The following LDB2 variants were observed in gnomAD, a reference collection of about 807,000 sequenced individuals.
The protein encoded by LDB2 is LIM domain binding 2.
A neutral mutation model predicts 44.3 loss-of-function variants in LDB2; 12 were observed. The observed-to-expected ratio is 0.27, with a 90% CI of 0.17 to 0.44. The LOEUF (loss-of-function observed/expected upper bound fraction) is 0.44. Ranked by LOEUF, LDB2 falls within the 20% of genes least tolerant of loss-of-function variation. The pLI, the probability that LDB2 is intolerant of heterozygous loss-of-function variation, is 1.00. For synonymous variants in LDB2, 164 were observed against 174.8 expected, an observed-to-expected ratio of 0.94 and a Z score of 0.49; for missense variants, 344 against 473.5, an observed-to-expected ratio of 0.73 and a Z score of 2.54.
chr4:16,870,625 C>CTATT (rs1316648949), intron 1 of LDB2, among the ~76,000 whole-genome samples: 2 of 133,618 alleles, frequency 1.5e-5, no homozygotes, highest in Non-Finnish European at 3.2e-5. Flanking sequence ...TCCTTGCATT[C>CTATT]TCTTTATTTA....
intron 2 of LDB2, among the ~76,000 whole-genome samples, chr4:16,637,277 A>G (rs565359790): frequency 3.3e-5 from 4 of 123,004 alleles, no homozygotes; most frequent in African/African-American, 9.2e-5. Context: ...TGAATGCTCT[A>G]TGGAAGTTCT....
intron 1 of LDB2, among the ~76,000 whole-genome samples, chr4:16,768,259 A>G (rs1430954347): frequency 6.6e-6 from 1 of 152,114 alleles, no homozygotes; most frequent in Non-Finnish European, 1.5e-5. Flanking sequence ...GGTCTGAAAG[A>G]TGGGAGATGG....
At chr4:16,788,162 A>AGCTT (rs1774893551) in intron 1 of LDB2, among the ~76,000 whole-genome samples, 1 of 152,206 alleles carries the variant, frequency 6.6e-6, no homozygotes, top group South Asian at 2.1e-4. Flanking sequence ...CTTTAAGAAA[A>AGCTT]TCCCAAGAGC....
intron 2 of LDB2, among the ~76,000 whole-genome samples, chr4:16,608,206 CAAAAAAAA>C (rs71649969): frequency 2.9e-5 from 2 of 68,484 alleles, no homozygotes; most frequent in African/African-American, 1.0e-4. Flanking sequence ...CACACTTCTT[CAAAAAAAA>C]AAAAAAAAAA....
intron 1 of LDB2, among the ~76,000 whole-genome samples, chr4:16,852,867 T>C (rs1472534339): frequency 9.9e-5 from 15 of 152,194 alleles, no homozygotes; most frequent in Admixed American, 9.2e-4. Flanking sequence ...GGATCTCATA[T>C]AAATATTGAA....
intron 6 of LDB2, among the ~76,000 whole-genome samples, chr4:16,508,942 T>G (rs563551460): frequency 6.6e-5 from 10 of 152,352 alleles, no homozygotes; most frequent in Admixed American, 6.5e-4. Context: ...TGGTATGTAT[T>G]TAATTTTGTA....
chr4:16,511,370 C>A (rs1721674310), intron 6 of LDB2, among the ~76,000 whole-genome samples: 1 of 152,112 alleles, frequency 6.6e-6, no homozygotes, highest in South Asian at 2.1e-4. Flanking sequence ...AGTATCTAAA[C>A]TGCATTCTAG....
intron 2 of LDB2, among the ~76,000 whole-genome samples, chr4:16,656,740 A>G (rs1739969284): frequency 6.6e-6 from 1 of 152,218 alleles, no homozygotes; most frequent in Non-Finnish European, 1.5e-5. Flanking sequence ...CCCCGTAAAC[A>G]GATTGATTCA....
At chr4:16,842,907 T>C (rs1030852201) in intron 1 of LDB2, among the ~76,000 whole-genome samples, 7 of 152,190 alleles carry the variant, frequency 4.6e-5, no homozygotes, top group African/African-American at 1.7e-4. Flanking sequence ...AGTAAATGTA[T>C]ATTAAGCTCA....
intron 2 of LDB2, among the ~76,000 whole-genome samples, chr4:16,602,470 T>C (rs924156): frequency 0.04 from 6,084 of 152,162 alleles, 372 homozygotes; most frequent in African/African-American, 0.14. Flanking sequence ...GAGAACAAGA[T>C]GATAGAGATG....
At chr4:16,746,611 AC>A (rs943946414) in intron 2 of LDB2, among the ~76,000 whole-genome samples, 14 of 152,108 alleles carry the variant, frequency 9.2e-5, no homozygotes, top group African/African-American at 3.4e-4. Context: ...ACATGGTGAA[AC>A]CCCGTCTCTA....
chr4:16,560,568 A>G (rs772836603), intron 5 of LDB2, among the ~76,000 whole-genome samples: 154 of 152,320 alleles, frequency 1.0e-3, no homozygotes, highest in Non-Finnish European at 1.5e-3. Context: ...AATTGTGGCA[A>G]TAATCAATAG....
At chr4:16,543,827 A>G (rs1280445140) in intron 5 of LDB2, among the ~76,000 whole-genome samples, 1 of 152,166 alleles carries the variant, frequency 6.6e-6, no homozygotes, top group Non-Finnish European at 1.5e-5. Context: ...TGAACAGGCA[A>G]CCTACAGAAT....
intron 5 of LDB2, among the ~76,000 whole-genome samples, chr4:16,522,276 T>TTGTGTGTGCGTGCGTG (rs61400788): frequency 6.7e-6 from 1 of 150,234 alleles, no homozygotes; most frequent in East Asian, 1.9e-4. Flanking sequence ...GTGTGTGTGT[T>TTGTGTGTGCGTGCGTG]TGTGTGTGTG....
At chr4:16,781,475 T>C (rs1773214163) in intron 1 of LDB2, among the ~76,000 whole-genome samples, 1 of 151,938 alleles carries the variant, frequency 6.6e-6, no homozygotes, top group Non-Finnish European at 1.5e-5. Context: ...GCACGAACAG[T>C]GAGGAGGATT....
At chr4:16,772,909 C>G (rs1421026020) in intron 1 of LDB2, among the ~76,000 whole-genome samples, 1 of 152,172 alleles carries the variant, frequency 6.6e-6, no homozygotes, top group Non-Finnish European at 1.5e-5. Context: ...GGCAGACAAA[C>G]AGAACAGTGG....
chr4:16,669,589 A>G (rs1400351518), intron 2 of LDB2, among the ~76,000 whole-genome samples: 1 of 152,248 alleles, frequency 6.6e-6, no homozygotes, highest in Non-Finnish European at 1.5e-5. Flanking sequence ...CTTTACATGG[A>G]TCCACAGAGG....
intron 1 of LDB2, among the ~76,000 whole-genome samples, chr4:16,831,673 T>C (rs148319615): frequency 6.6e-6 from 1 of 152,314 alleles, no homozygotes; most frequent in African/African-American, 2.4e-5. Flanking sequence ...CTAAGAAGAA[T>C]GCAACCAAGC....
intron 2 of LDB2, among the ~76,000 whole-genome samples, chr4:16,693,297 C>T (rs181344541): frequency 2.0e-4 from 30 of 150,850 alleles, no homozygotes; most frequent in African/African-American, 7.3e-4. Flanking sequence ...AATCTTCTGA[C>T]AGGGTTATGC....
Sources: gnomAD v4.1 joint callset for allele counts (sites outside exome capture counted in the v4.1 genomes callset) on GRCh38, gnomAD v4.1.1 for gene constraint, MANE v1.5 for transcripts, NCBI Gene and HGNC (gene_info 2026-07-23, HGNC 2026-07-21) for gene names.